The following NBAS variants were observed in gnomAD, a reference collection of about 807,000 sequenced individuals.
The protein encoded by NBAS is NBAS subunit of NRZ tethering complex.
In NBAS, 219 loss-of-function variants were observed where a neutral mutation model predicts 302.5. The ratio of observed to expected loss-of-function variants is 0.72; its 90% CI spans 0.65 to 0.81. The LOEUF (loss-of-function observed/expected upper bound fraction) is 0.81, where lower values mean the gene tolerates loss of function less well. Ranked by LOEUF, NBAS falls within the 30% of genes least tolerant of loss-of-function variation. The probability of loss-of-function intolerance (pLI) is 0.00; values close to 1 mark genes in which losing one functional copy is unlikely to be tolerated. For missense variants in NBAS, 2,932 were observed against 2,841.6 expected (o/e 1.03, Z -0.72); for synonymous variants, 1,118 against 1,021.6 (o/e 1.09, Z -1.80).
chr2:14,860,015 G>GA, the NBAS span, among the ~76,000 whole-genome samples: 2 of 151,506 alleles, frequency 1.3e-5, no homozygotes, highest in East Asian at 1.9e-4. Context: ...TTAAAAAATG[G>GA]AAAAAAGATA....
At position 15,379,829 on chromosome 2, in the gene NBAS, T is replaced by C. The variant is rs770463186; in HGVS notation, c.3363A>G (p.Ile1121Met). 5 of 1,613,148 alleles carry C rather than the reference T, an allele frequency of 3.1e-6. No homozygotes were observed. The highest frequency in any genetic ancestry group is 1.1e-5 in the South Asian group (1 of 91,066). Residue 1121 changes from isoleucine to methionine, a missense_variant and splice_region_variant, in exon 30 of 52, where the codon ATA (isoleucine) becomes ATG (methionine). By Grantham distance (10) the Ile-to-Met change is conservative. Coordinates refer to ENST00000281513, the MANE Select transcript of NBAS (RefSeq NM_015909.4). ...TAGAGCACAGAAGGCTTTCTGTAAA[T>C]ATCTGGAAAAAAGGAGAAACTGGAA... ...TCLDSDACYE[I>M]FTESLLCSSR...
intron 25 of NBAS, among the ~76,000 whole-genome samples, chr2:15,403,687 C>T (rs1180302474): frequency 6.6e-6 from 1 of 151,830 alleles, no homozygotes; most frequent in African/African-American, 2.4e-5. Flanking sequence ...TAAAGCAATC[C>T]CCCCCAGATA....
At chr2:14,893,366 C>A in the NBAS span, among the ~76,000 whole-genome samples, 1 of 152,126 alleles carries the variant, frequency 6.6e-6, no homozygotes, top group Non-Finnish European at 1.5e-5. Flanking sequence ...GTTTCAACTT[C>A]TATCTTTAAT....
chr2:15,208,277 C>G (rs981233703), intron 48 of NBAS, among the ~76,000 whole-genome samples: 5 of 152,128 alleles, frequency 3.3e-5, no homozygotes, highest in Non-Finnish European at 7.4e-5. Context: ...ATAAAAACAC[C>G]AGATCTTATG....
rs1296990494 is a variant in NBAS, at chr2:15,406,120, AC to A, written c.2938-3820del. ...ATAACATGTAAAAAAAAAAAACAAAACAAAAAAACATGAGGAAAAAAACCCA... is the reference window on the plus strand; with the variant it reads ...ATAACATGTAAAAAAAAAAAACAAAAAAAAAAACATGAGGAAAAAAACCCA... On this transcript the variant is annotated intron_variant, in intron 25 of 51. Transcript: ENST00000281513. 4.4e-4 allele frequency among the ~76,000 whole-genome samples: 66 copies of A among 148,428 alleles called. 1 individual carries two copies. Among genetic ancestry groups the A allele is most frequent in the African/African-American group, 1.6e-3 (62 of 39,434 alleles).
intron 9 of NBAS, among the ~76,000 whole-genome samples, chr2:15,529,475 G>C (rs1663114624): frequency 6.6e-6 from 1 of 152,108 alleles, no homozygotes; most frequent in South Asian, 2.1e-4. Context: ...GCGGGTGACA[G>C]AGTGAGACCC....
At chr2:14,971,868 C>T in the NBAS span, among the ~76,000 whole-genome samples, 1 of 152,152 alleles carries the variant, frequency 6.6e-6, no homozygotes, top group Admixed American at 6.5e-5. Context: ...TTTTCAAATA[C>T]CAAGACAACC....
chr2:15,034,027 G>GAAGAAAAAGA, the NBAS span, among the ~76,000 whole-genome samples: 1 of 63,794 alleles, frequency 1.6e-5, no homozygotes, highest in Non-Finnish European at 2.6e-5. Context: ...AGAAGAAGAA[G>GAAGAAAAAGA]AGGAGGAGGA....
At chr2:14,799,837 T>A in the NBAS span, among the ~76,000 whole-genome samples, 1 of 152,214 alleles carries the variant, frequency 6.6e-6, no homozygotes, top group African/African-American at 2.4e-5. Flanking sequence ...CAGTCTTTAT[T>A]CTGAATTGTA....
intron 47 of NBAS, among the ~76,000 whole-genome samples, chr2:15,220,200 C>G (rs1269720243): frequency 2.8e-5 from 4 of 143,966 alleles, no homozygotes; most frequent in Non-Finnish European, 6.2e-5. Flanking sequence ...ACCTCCCTCC[C>G]GGACGGGGCG....
the NBAS span, among the ~76,000 whole-genome samples, chr2:14,941,199 C>T: frequency 1.3e-5 from 2 of 152,136 alleles, no homozygotes; most frequent in African/African-American, 4.8e-5. Context: ...TAACCACCCA[C>T]TTAGTAGGTG....
intron 35 of NBAS, among the ~76,000 whole-genome samples, chr2:15,342,319 A>G (rs1672892740): frequency 1.3e-5 from 2 of 152,286 alleles, no homozygotes; most frequent in East Asian, 3.9e-4. Flanking sequence ...AAAAAAATAA[A>G]TAAATCAAAC....
At chr2:14,859,362 T>C in the NBAS span, among the ~76,000 whole-genome samples, 1 of 151,802 alleles carries the variant, frequency 6.6e-6, no homozygotes, top group South Asian at 2.1e-4. Flanking sequence ...TATGGAACCA[T>C]AAAAGACTCT....
At chr2:15,455,004 G>A (rs1679187463) in intron 21 of NBAS, among the ~76,000 whole-genome samples, 1 of 151,710 alleles carries the variant, frequency 6.6e-6, no homozygotes, top group African/African-American at 2.4e-5. Context: ...ATGGGTTCAA[G>A]CGATTCTCCT....
chr2:14,802,297 T>C, the NBAS span, among the ~76,000 whole-genome samples: 1 of 147,588 alleles, frequency 6.8e-6, no homozygotes, highest in African/African-American at 2.5e-5. Context: ...CCCCATTGCT[T>C]GTTTTTCTCA....
intron 48 of NBAS, among the ~76,000 whole-genome samples, chr2:15,207,169 C>G (rs906677934): frequency 6.6e-6 from 1 of 152,138 alleles, no homozygotes; most frequent in Non-Finnish European, 1.5e-5. Flanking sequence ...CTTGCATGAC[C>G]GAGCCCTGGA....
chr2:15,039,726 C>A, the NBAS span, among the ~76,000 whole-genome samples: 190 of 152,346 alleles, frequency 1.2e-3, no homozygotes, highest in African/African-American at 4.3e-3. Flanking sequence ...GGCCTGGCCC[C>A]AGTCTCAGCT....
the NBAS span, among the ~76,000 whole-genome samples, chr2:15,121,609 T>C: frequency 6.6e-6 from 1 of 152,244 alleles, no homozygotes; most frequent in African/African-American, 2.4e-5. Context: ...AATTTAGCTT[T>C]TCCTTCAATT....
the NBAS span, among the ~76,000 whole-genome samples, chr2:15,059,551 G>T: frequency 6.6e-6 from 1 of 152,052 alleles, no homozygotes; most frequent in Non-Finnish European, 1.5e-5. Flanking sequence ...GGCCCCTTCA[G>T]AGACCACCTC....
Sources: gnomAD v4.1 joint callset for allele counts (sites outside exome capture counted in the v4.1 genomes callset) on GRCh38, gnomAD v4.1.1 for gene constraint, MANE v1.5 for transcripts, NCBI Gene and HGNC (gene_info 2026-07-23, HGNC 2026-07-21) for gene names.